The following CD48 variants were observed in gnomAD, a reference collection of about 807,000 sequenced individuals.
CD48 encodes the protein CD48 molecule.
CD48 carries 20 observed loss-of-function variants against 22.0 expected under a neutral mutation model. That is an observed-to-expected ratio of 0.91 (90% confidence interval 0.64 to 1.32). The LOEUF is 1.32. Ranked by LOEUF, CD48 falls within the 40% of genes most tolerant of loss-of-function variation. The probability of loss-of-function intolerance (pLI) is 0.00; values close to 1 mark genes in which losing one functional copy is unlikely to be tolerated. For synonymous variants in CD48, 110 were observed against 110.1 expected (o/e 1.00, Z 0.01); for missense variants, 307 against 286.5 (o/e 1.07, Z -0.52).
intron 1 of CD48, among the ~76,000 whole-genome samples, chr1:160,711,420 C>T (rs538795204): frequency 3.4e-4 from 52 of 152,236 alleles, no homozygotes; most frequent in South Asian, 1.5e-3. Context: ...CCACCAACCA[C>T]GGGACAAAAT....
rs1661790793 is a variant in CD48 at position 160,681,243 on chromosome 1, C to T, written c.611G>A (p.Ser204Asn). ...ACTGAGGCAGACCGTGCCATTCTTG[C>T]TGCTCACAGAATTGCTGACTTGGCA... Reference protein sequence around the residue: ...YTCQVSNSVSSKNGTVCLSPP... With the variant: ...YTCQVSNSVSNKNGTVCLSPP... Residue 204 changes from serine (S) to asparagine (N), a missense_variant, in exon 3 of 4, where the codon AGC becomes AAC. Physicochemically the swap from Ser to Asn is conservative, Grantham distance 46. Coordinates refer to ENST00000368046, the MANE Select transcript of CD48 (RefSeq NM_001778.4). 1.2e-6 allele frequency: 2 copies of T among 1,614,090 alleles called. No homozygotes were observed. The highest frequency in any genetic ancestry group is 1.7e-6 in the Non-Finnish European group (2 of 1,180,038).
intron 1 of CD48, among the ~76,000 whole-genome samples, chr1:160,700,602 T>C (rs1014780126): frequency 2.0e-5 from 3 of 152,146 alleles, no homozygotes; most frequent in Non-Finnish European, 4.4e-5. Flanking sequence ...TCTGGATTCT[T>C]TCTTCTACAA....
In CD48 at chr1:160,711,692, G is replaced by T; in HGVS notation, c.72C>A (p.Thr24=). The T allele has an allele frequency of 6.2e-7, 1 of 1,609,718 alleles. No homozygotes were observed. ...GTTGGTGGAAAGTACCTTGAATGCTGGTCACCAGGAGTGACAGAGGCAGCA... is the reference window on the plus strand; with the variant it reads ...GTTGGTGGAAAGTACCTTGAATGCTTGTCACCAGGAGTGACAGAGGCAGCA... ...LLLLPLSLLV[T]SIQGHLVHMT... is the part of the protein sequence containing the mutation. The change falls in exon 1 of 4, where the codon ACC becomes ACA. Residue 24 remains threonine, a synonymous_variant. Coordinates refer to ENST00000368046, the MANE Select transcript of CD48 (RefSeq NM_001778.4).
chr1:160,682,550 G>A (rs1212335915), intron 2 of CD48, among the ~76,000 whole-genome samples: 1 of 151,198 alleles, frequency 6.6e-6, no homozygotes, highest in African/African-American at 2.4e-5. Context: ...GAGGGAGGGA[G>A]GGAGGCAAGT....
At chr1:160,686,070 ACAAT>A (rs1257919357) in intron 1 of CD48, among the ~76,000 whole-genome samples, 14 of 152,058 alleles carry the variant, frequency 9.2e-5, no homozygotes, top group Admixed American at 4.6e-4. Flanking sequence ...CTTATGATTC[ACAAT>A]CAAACAAGAT....
chr1:160,704,604 A>G (rs1662737227), intron 1 of CD48, among the ~76,000 whole-genome samples: 1 of 152,242 alleles, frequency 6.6e-6, no homozygotes, highest in African/African-American at 2.4e-5. Context: ...ATTCAGTAGC[A>G]AAGTATTGTG....
intron 1 of CD48, among the ~76,000 whole-genome samples, chr1:160,691,387 C>T (rs570636444): frequency 2.0e-5 from 3 of 152,306 alleles, no homozygotes; most frequent in African/African-American, 7.2e-5. Flanking sequence ...GTGGGACATG[C>T]AGGCAGCAAT....
At chr1:160,708,104 A>G (rs1463841527) in intron 1 of CD48, among the ~76,000 whole-genome samples, 1 of 152,206 alleles carries the variant, frequency 6.6e-6, no homozygotes, top group Non-Finnish European at 1.5e-5. Context: ...TGGCTTCTGT[A>G]CGAGGAATTA....
At chr1:160,688,179 A>C (rs1000271965) in intron 1 of CD48, among the ~76,000 whole-genome samples, 2 of 152,262 alleles carry the variant, frequency 1.3e-5, no homozygotes, top group African/African-American at 2.4e-5. Flanking sequence ...AATCATTAAC[A>C]AAATGAGCCG....
rs188650793 is a variant in CD48, at chr1:160,683,714, T to G, written c.385+1173A>C. On this transcript the variant is annotated intron_variant, in intron 2 of 3. Coordinates refer to ENST00000368046, the MANE Select transcript of CD48 (RefSeq NM_001778.4). ...CTTGAATGTATACAACACTCTTCAT[T>G]TGCATGTTTTGACATTTTAAAAAAT... is the stretch of plus-strand genomic sequence containing the variant. 420 of 152,280 alleles carry G rather than the reference T, an allele frequency of 2.8e-3. 2 individuals carry two copies. Among genetic ancestry groups the G allele is most frequent in the African/African-American group, 9.7e-3 (403 of 41,548 alleles). The allele number at this position is 152,280 out of a possible 1,614,324, so 9.4% of individuals were successfully genotyped here.
At chr1:160,688,027 C>T (rs1662065163) in intron 1 of CD48, among the ~76,000 whole-genome samples, 1 of 152,212 alleles carries the variant, frequency 6.6e-6, no homozygotes, top group African/African-American at 2.4e-5. Flanking sequence ...ATTCCAATCG[C>T]ACTGCATTTG....
chr1:160,693,663 C>T (rs553330551), intron 1 of CD48, among the ~76,000 whole-genome samples: 1 of 152,354 alleles, frequency 6.6e-6, no homozygotes, highest in South Asian at 2.1e-4. Flanking sequence ...AAACATTGGG[C>T]TAGTCAATGT....
intron 1 of CD48, among the ~76,000 whole-genome samples, chr1:160,687,902 AT>A (rs1662060435): frequency 6.6e-6 from 1 of 152,190 alleles, no homozygotes; most frequent in Non-Finnish European, 1.5e-5. Flanking sequence ...TGTTTCTTTA[AT>A]TTAGTTATGT....
At chr1:160,697,660 TA>T (rs1662480468) in intron 1 of CD48, among the ~76,000 whole-genome samples, 1 of 152,218 alleles carries the variant, frequency 6.6e-6, no homozygotes, top group Non-Finnish European at 1.5e-5. Context: ...AATTTAGACC[TA>T]AAGGGAAAAC....
intron 3 of CD48, among the ~76,000 whole-genome samples, chr1:160,679,351 CT>C (rs1237189048): frequency 6.6e-6 from 1 of 152,142 alleles, no homozygotes; most frequent in Non-Finnish European, 1.5e-5. Flanking sequence ...ACTGGCTTAC[CT>C]GGGCCCTGTG....
chr1:160,686,714 C>G (rs183628559), intron 1 of CD48: 1 of 152,232 alleles, frequency 6.6e-6, no homozygotes, highest in Non-Finnish European at 1.5e-5. Flanking sequence ...TGATGCCCCA[C>G]AAGCTACAAA....
At chr1:160,707,921 C>T (rs185099744) in intron 1 of CD48, among the ~76,000 whole-genome samples, 1 of 152,282 alleles carries the variant, frequency 6.6e-6, no homozygotes, top group East Asian at 1.9e-4. Context: ...GTGCTTGGCT[C>T]TGTAAGGGTG....
At chr1:160,705,628 G>A (rs1239169284) in intron 1 of CD48, among the ~76,000 whole-genome samples, 5 of 152,160 alleles carry the variant, frequency 3.3e-5, no homozygotes, top group African/African-American at 1.2e-4. Context: ...CAGCCTAGGA[G>A]GACATTCTTT....
intron 3 of CD48, chr1:160,680,375 T>G (rs1661749743): frequency 6.1e-6 from 1 of 164,546 alleles, no homozygotes; most frequent in Admixed American, 6.5e-5. Context: ...TGTCAGCCAC[T>G]GTGATAGGCA....
Sources: gnomAD v4.1 joint callset for allele counts (sites outside exome capture counted in the v4.1 genomes callset) on GRCh38, gnomAD v4.1.1 for gene constraint, MANE v1.5 for transcripts, NCBI Gene and HGNC (gene_info 2026-07-23, HGNC 2026-07-21) for gene names.